Variants in INPP4A observed in about 807,000 individuals in gnomAD.
INPP4A encodes the protein inositol polyphosphate-4-phosphatase, type I, 107kD.
Under a neutral mutation model 119.8 loss-of-function variants are expected in INPP4A, and 33 were observed. The ratio of observed to expected loss-of-function variants is 0.28; its 90% CI spans 0.21 to 0.37. The LOEUF (loss-of-function observed/expected upper bound fraction) is 0.37, where lower values mean the gene tolerates loss of function less well. Among genes scored for constraint, INPP4A ranks in the 10% least tolerant of loss-of-function variants. The pLI is 1.00. For missense variants in INPP4A, 956 were observed against 1,289.9 expected, an observed-to-expected ratio of 0.74 and a Z score of 3.97; for synonymous variants, 496 against 500.7, an observed-to-expected ratio of 0.99 and a Z score of 0.12.
At chr2:98,449,863 C>T (rs1406573889) in intron 1 of INPP4A, among the ~76,000 whole-genome samples, 2 of 152,182 alleles carry the variant, frequency 1.3e-5, no homozygotes, top group Non-Finnish European at 2.9e-5. Flanking sequence ...TTTTGCCAAT[C>T]TAATGGGCAA....
chr2:98,554,554 G>A lies in INPP4A; in HGVS notation c.1566+65G>A. 2 of 1,385,288 alleles carry A rather than the reference G, an allele frequency of 1.4e-6. No homozygotes were observed. The highest frequency in any genetic ancestry group is 2.0e-6 in the Non-Finnish European group (2 of 1,002,004). 85.8% of individuals were successfully genotyped at this position (1,385,288 alleles called of 1,614,324 possible). Reference sequence around the variant, plus strand: ...TGGGCTGAAAACCACAAAACCTGTTGCCAGTCTCTGCCCCTCTGAAGTGCC... The same window carrying A: ...TGGGCTGAAAACCACAAAACCTGTTACCAGTCTCTGCCCCTCTGAAGTGCC... On this transcript the variant is annotated intron_variant, in intron 15 of 24. Coordinates refer to ENST00000409851, the MANE Select transcript of INPP4A (RefSeq NM_001134225.2). This position sits in a 1 kb window ranked among gnomAD's most constrained non-coding sequence, Gnocchi z 4.7.
chr2:98,445,987 TG>T, intron 1 of INPP4A, among the ~76,000 whole-genome samples: 1 of 151,718 alleles, frequency 6.6e-6, no homozygotes, highest in East Asian at 1.9e-4. Context: ...GGAATGGGGG[TG>T]GGGTGGCGAT....
intron 23 of INPP4A, among the ~76,000 whole-genome samples, chr2:98,575,518 G>C (rs1029098707): frequency 5.9e-5 from 9 of 152,194 alleles, no homozygotes; most frequent in Non-Finnish European, 1.5e-5. Flanking sequence ...CTGCTTATCT[G>C]CTTAGGGCCT....
chr2:98,516,935 T>C (rs1686247278), intron 1 of INPP4A, among the ~76,000 whole-genome samples: 1 of 152,034 alleles, frequency 6.6e-6, no homozygotes, highest in African/African-American at 2.4e-5. Flanking sequence ...GATGCAGAAC[T>C]CACGTAAGTT....
intron 1 of INPP4A, among the ~76,000 whole-genome samples, chr2:98,490,015 G>T (rs1680373816): frequency 6.6e-6 from 1 of 151,902 alleles, no homozygotes; most frequent in African/African-American, 2.4e-5. Context: ...AGAACTCCTT[G>T]TAACCTCTTA....
chr2:98,525,918 T>C (rs186877398), intron 4 of INPP4A, among the ~76,000 whole-genome samples: 1 of 152,284 alleles, frequency 6.6e-6, no homozygotes, highest in Admixed American at 6.5e-5. Flanking sequence ...TGGAAAACTG[T>C]TGGCTTCTCA....
At chr2:98,462,957 T>C (rs1673898771) in intron 1 of INPP4A, among the ~76,000 whole-genome samples, 1 of 152,236 alleles carries the variant, frequency 6.6e-6, no homozygotes, top group Non-Finnish European at 1.5e-5. Flanking sequence ...TTCTCCTGCC[T>C]CAGCCTCCCA....
chr2:98,446,235 T>TA (rs1444157726), intron 1 of INPP4A, among the ~76,000 whole-genome samples: 2 of 152,274 alleles, frequency 1.3e-5, no homozygotes, highest in African/African-American at 4.8e-5. Flanking sequence ...TTGCTTGCTA[T>TA]AGGTTGTCCT....
rs1192739466 is a variant in INPP4A at position 98,546,278 on chromosome 2, T to C, written c.1054+205T>C. 6.6e-6 allele frequency among the ~76,000 whole-genome samples: 1 copy of C among 152,228 alleles called. No individual in the cohort carries two copies. The highest frequency in any genetic ancestry group is 1.5e-5 in the Non-Finnish European group (1 of 68,044). On this transcript the variant is annotated intron_variant, in intron 12 of 24. Transcript: ENST00000409851. The surrounding 1 kb of genome is among the most constrained non-coding windows in gnomAD (Gnocchi z 4.2). The stretch of plus-strand genomic sequence containing the variant: ...GTCTCTCCTCACTCTAGCTTCCCTT[T>C]GTATTTCTGCAGTAGAAAGTTGCCT...
In INPP4A at chr2:98,593,384, T is replaced by C. The variant is rs748050384; in HGVS notation, c.*5776T>C. 6.6e-6 allele frequency: 1 copy of C among 152,578 alleles called. No individual in the cohort carries two copies. Among genetic ancestry groups the C allele is most frequent in the Non-Finnish European group, 1.5e-5 (1 of 68,168 alleles). The allele number at this position is 152,578 out of a possible 1,614,324, so 9.5% of individuals were successfully genotyped here. A position where few individuals can be genotyped will look rare whatever the true frequency, so the allele number is the denominator to read the frequency against. ...TGTCTGTGGCCTGACTCTCTCCTGG[T>C]GGTCCTACGTCTCTGACCATCCCTC... On this transcript the variant is annotated 3_prime_UTR_variant, in exon 25 of 25. Transcript: ENST00000409851.
chr2:98,510,967 G>T (rs1464497599), intron 1 of INPP4A, among the ~76,000 whole-genome samples: 1 of 152,216 alleles, frequency 6.6e-6, no homozygotes, highest in Non-Finnish European at 1.5e-5. Flanking sequence ...CTCCCAGTGA[G>T]CACAAGCTCG....
chr2:98,500,385 C>A (rs573277008), intron 1 of INPP4A, among the ~76,000 whole-genome samples: 5 of 152,160 alleles, frequency 3.3e-5, no homozygotes, highest in Non-Finnish European at 7.3e-5. Flanking sequence ...AGATGGCGTG[C>A]TGTCCTCCAT....
At position 98,537,890 on chromosome 2, in the gene INPP4A, C is replaced by G. The variant is rs772811983; in HGVS notation, c.495C>G (p.Asn165Lys). ...LRSAESDRVG[N>K]ITVIGWQMEE... ...CTGCAGAGAGTGACCGTGTAGGTAA[C>G]ATCACCGTGATTGGCTGGCAGATGG... is the stretch of plus-strand genomic sequence containing the variant. The change falls in exon 8 of 25, where the codon AAC becomes AAG. Residue 165 changes from asparagine to lysine, a missense_variant. By Grantham distance (94) the Asn-to-Lys change is moderately conservative. Transcript: ENST00000409851. 1 of 1,612,870 alleles carries G rather than the reference C, an allele frequency of 6.2e-7. No individual in the cohort carries two copies. Among genetic ancestry groups the G allele is most frequent in the East Asian group, 2.2e-5 (1 of 44,858 alleles).
Position 98,537,894 on chromosome 2 carries a change from A to G in INPP4A, c.499A>G (p.Thr167Ala). ...SAESDRVGNITVIGWQMEEKS... is the reference protein window; with the variant it reads ...SAESDRVGNIAVIGWQMEEKS... Reference sequence around the variant, plus strand: ...AGAGAGTGACCGTGTAGGTAACATCACCGTGATTGGCTGGCAGATGGAGGA... The same window carrying G: ...AGAGAGTGACCGTGTAGGTAACATCGCCGTGATTGGCTGGCAGATGGAGGA... Residue 167 changes from threonine to alanine, a missense_variant, in exon 8 of 25, where the codon ACC (threonine) becomes GCC (alanine). By Grantham distance (58) the Thr-to-Ala change is moderately conservative. Transcript: ENST00000409851. 6.2e-7 allele frequency: 1 copy of G among 1,612,954 alleles called. No homozygotes were observed. The highest frequency in any genetic ancestry group is 8.5e-7 in the Non-Finnish European group (1 of 1,179,474).
chr2:98,466,817 T>C (rs943895233), intron 1 of INPP4A, among the ~76,000 whole-genome samples: 16 of 152,240 alleles, frequency 1.1e-4, no homozygotes, highest in East Asian at 1.9e-4. Flanking sequence ...CTCACACTTA[T>C]GTATTTTTTG....
chr2:98,490,170 A>C (rs1468113652), intron 1 of INPP4A, among the ~76,000 whole-genome samples: 1 of 151,850 alleles, frequency 6.6e-6, no homozygotes, highest in Non-Finnish European at 1.5e-5. Context: ...TGTGTTTGGC[A>C]TGGCCGCTTA....
Position 98,546,836 on chromosome 2 carries a change from A to G in INPP4A, c.1163+142A>G. ...CGTGGCAGGAGGATCTGCCTTATGG[A>G]GCCTGTGCTGCTCTGTTTATGTGTG... On this transcript the variant is annotated intron_variant, in intron 13 of 24. Coordinates refer to ENST00000409851, the MANE Select transcript of INPP4A (RefSeq NM_001134225.2). The surrounding 1 kb of genome is among the most constrained non-coding windows in gnomAD (Gnocchi z 4.2). 1.6e-6 allele frequency: 1 copy of G among 639,750 alleles called. No individual in the cohort carries two copies. Among genetic ancestry groups the G allele is most frequent in the Non-Finnish European group, 2.9e-6 (1 of 347,916 alleles). The allele number at this position is 639,750 out of a possible 1,614,324, so 39.6% of individuals were successfully genotyped here.
In INPP4A at chr2:98,477,077, G is replaced by C. The variant is rs1677389343; in HGVS notation, c.-166+31992G>C. 2.0e-5 allele frequency among the ~76,000 whole-genome samples: 3 copies of C among 152,356 alleles called. No individual in the cohort carries two copies. The South Asian group carries it at 6.2e-4, about 32-fold the overall frequency. On this transcript the variant is annotated intron_variant, in intron 1 of 24. Transcript: ENST00000409851. ...CATTTTTGTGCACTGGGCACATTTA[G>C]AGGGATTAAGTCATCTGATTCTTGC...
At chr2:98,487,487 C>T (rs1447198889) in intron 1 of INPP4A, among the ~76,000 whole-genome samples, 3 of 152,214 alleles carry the variant, frequency 2.0e-5, no homozygotes, top group African/African-American at 7.2e-5. Context: ...CTGCCTCAGC[C>T]TCCCAAAGTG....
Sources: allele counts gnomAD v4.1 joint callset (sites outside exome capture counted in the v4.1 genomes callset), GRCh38; gene constraint gnomAD v4.1.1; non-coding constraint Gnocchi (gnomAD v3.1); transcripts MANE v1.5; gene names NCBI Gene and HGNC (gene_info 2026-07-23, HGNC 2026-07-21).